Variants in RALY observed in about 807,000 individuals in gnomAD.
RALY encodes RALY heterogeneous nuclear ribonucleoprotein, also known as RNA-binding protein Raly.
In RALY, 15 loss-of-function variants were observed where a neutral mutation model predicts 30.7. The ratio of observed to expected loss-of-function variants is 0.49; its 90% CI spans 0.33 to 0.75. RALY has a LOEUF of 0.75. Ranked by LOEUF, RALY falls within the 30% of genes least tolerant of loss-of-function variation. The pLI is 0.02. For synonymous variants in RALY, 177 were observed against 170.8 expected, an observed-to-expected ratio of 1.04 and a Z score of -0.28; for missense variants, 339 against 414.3, an observed-to-expected ratio of 0.82 and a Z score of 1.58.
intron 2 of RALY, among the ~76,000 whole-genome samples, chr20:34,046,813 C>CTTTTT (rs61495395): frequency 6.9e-5 from 5 of 72,772 alleles, no homozygotes; most frequent in South Asian, 5.8e-4. Flanking sequence ...GACCTCCACT[C>CTTTTT]TTTTTTTTTT....
intron 8 of RALY, 93 bp from the exon 9 acceptor site, chr20:34,078,412 T>C (rs761057627): frequency 6.6e-6 from 8 of 1,213,882 alleles, no homozygotes; most frequent in Non-Finnish European, 9.0e-6. Context: ...AGATGCCCTC[T>C]GGACCATGAA....
chr20:34,070,320 G>A (rs759341534), intron 2 of RALY, among the ~76,000 whole-genome samples: 4 of 152,138 alleles, frequency 2.6e-5, no homozygotes, highest in Non-Finnish European at 5.9e-5. Context: ...AACTGCCAAG[G>A]CTTAACTTGA....
At chr20:34,044,039 C>G (rs1265120004) in intron 2 of RALY, among the ~76,000 whole-genome samples, 1 of 151,886 alleles carries the variant, frequency 6.6e-6, no homozygotes, top group Admixed American at 6.6e-5. Flanking sequence ...GAGACTGTAA[C>G]TTCCAAGCAG....
intron 2 of RALY, among the ~76,000 whole-genome samples, chr20:34,036,441 G>A (rs1186315285): frequency 1.3e-5 from 2 of 152,282 alleles, no homozygotes; most frequent in South Asian, 2.1e-4. Flanking sequence ...CCACATGGTT[G>A]TAGTGTATAA....
intron 1 of RALY, among the ~76,000 whole-genome samples, chr20:33,999,929 ATGATTCTAGG>A (rs1227048413): frequency 6.6e-6 from 1 of 152,062 alleles, no homozygotes; most frequent in African/African-American, 2.4e-5. Context: ...ATTACATTTT[ATGATTCTAGG>A]TGGTGGTTTA....
intron 1 of RALY, among the ~76,000 whole-genome samples, chr20:34,000,086 T>C (rs1189974173): frequency 1.3e-5 from 2 of 152,254 alleles, no homozygotes; most frequent in South Asian, 4.1e-4. Flanking sequence ...TTTGGCTTCA[T>C]GTCTATATAG....
chr20:34,014,746 C>G (rs865826430), intron 1 of RALY, among the ~76,000 whole-genome samples: 1 of 152,132 alleles, frequency 6.6e-6, no homozygotes, highest in African/African-American at 2.4e-5. Context: ...CTTAGAAATA[C>G]ATTTAGTAAT....
At chr20:34,015,395 CTT>C (rs1435774052) in intron 1 of RALY, among the ~76,000 whole-genome samples, 1 of 151,730 alleles carries the variant, frequency 6.6e-6, no homozygotes, top group Admixed American at 6.6e-5. Flanking sequence ...AAGCAAAAAA[CTT>C]TATTTACCTT....
intron 2 of RALY, among the ~76,000 whole-genome samples, chr20:34,045,709 T>C (rs553563549): frequency 6.6e-6 from 1 of 152,342 alleles, no homozygotes; most frequent in Non-Finnish European, 1.5e-5. Context: ...TGTAGCTCTC[T>C]CCCATTTCTC....
chr20:34,052,990 C>T lies in RALY; in HGVS notation c.-9-19076C>T, dbSNP rs372569194. ...GGCTTTGGCATTTAGTGGGGCTATC[C>T]TTGCATTTTACTAAGCCCTCTAGTT... On this transcript the variant is annotated intron_variant, in intron 2 of 9. Transcript: ENST00000246194. Among the ~76,000 whole-genome samples the T allele has an allele frequency of 7.9e-5, 12 of 152,228 alleles. No individual in the cohort carries two copies. In the South Asian group the frequency reaches 1.2e-3, roughly 16 times the overall value.
Position 34,013,153 on chromosome 20 carries a change from A to G in RALY, c.-92-18369A>G, listed in dbSNP as rs970705267. ...GCGCATATTCAAGGTAGGCTAAACTAAACTAGGGTGTTTGGTAAGTTAGGT... is the reference window on the plus strand; with the variant it reads ...GCGCATATTCAAGGTAGGCTAAACTGAACTAGGGTGTTTGGTAAGTTAGGT... On this transcript the variant is annotated intron_variant, in intron 1 of 9. Coordinates refer to ENST00000246194, the MANE Select transcript of RALY (RefSeq NM_016732.3). Among the ~76,000 whole-genome samples, 4 of 152,278 alleles carry G rather than the reference A, an allele frequency of 2.6e-5. No homozygotes were observed. In the East Asian group the frequency reaches 7.7e-4, roughly 29 times the overall value.
At chr20:34,054,813 C>G (rs1472092385) in intron 2 of RALY, among the ~76,000 whole-genome samples, 1 of 138,912 alleles carries the variant, frequency 7.2e-6, no homozygotes, top group African/African-American at 3.1e-5. Flanking sequence ...ATGAGACTGT[C>G]TCAAAAAAAA....
In RALY at chr20:34,080,502, C is replaced by T. The variant is rs1390145317; in HGVS notation, c.*597C>T. 1 of 152,204 alleles carries T rather than the reference C, an allele frequency of 6.6e-6. No individual in the cohort carries two copies. The highest frequency in any genetic ancestry group is 6.5e-5 in the Admixed American group (1 of 15,270). The allele number at this position is 152,204 out of a possible 1,614,324, so 9.4% of individuals were successfully genotyped here. A position where few individuals can be genotyped will look rare whatever the true frequency, so the allele number is the denominator to read the frequency against. ...GGTTTACCCCATAGTAGGTCAAGACCTTATCTCTTTCCCCAGCTTCTAAGT... is the reference window on the plus strand; with the variant it reads ...GGTTTACCCCATAGTAGGTCAAGACTTTATCTCTTTCCCCAGCTTCTAAGT... On this transcript the variant is annotated 3_prime_UTR_variant, in exon 10 of 10. Coordinates refer to ENST00000246194, the MANE Select transcript of RALY (RefSeq NM_016732.3).
At chr20:34,024,163 T>A (rs1215412531) in intron 1 of RALY, among the ~76,000 whole-genome samples, 1 of 152,118 alleles carries the variant, frequency 6.6e-6, no homozygotes, top group East Asian at 1.9e-4. Context: ...GTTGAGCCCT[T>A]CCAACTCTGG....
In RALY at chr20:34,073,797, CCT is replaced by C; in HGVS notation, c.330-18_330-17del. The C allele has an allele frequency of 6.2e-7, 1 of 1,613,670 alleles. No individual in the cohort carries two copies. Among genetic ancestry groups the C allele is most frequent in the Non-Finnish European group, 8.5e-7 (1 of 1,179,644 alleles). On this transcript the variant is annotated intron_variant, in intron 4 of 9. Coordinates refer to ENST00000246194, the MANE Select transcript of RALY (RefSeq NM_016732.3). ...TGAGTGGCCGTCCCTAAGCTCCAGC[CCT>C]CTCCCCTTTGTTTCCCCAGTGGCTA...
chr20:34,074,249 A>G (rs1440775764), intron 5 of RALY, among the ~76,000 whole-genome samples: 1 of 152,158 alleles, frequency 6.6e-6, no homozygotes, highest in Non-Finnish European at 1.5e-5. Flanking sequence ...TAGGAGCCCC[A>G]GAGCTCAGTC....
intron 2 of RALY, among the ~76,000 whole-genome samples, chr20:34,032,361 G>A (rs191480445): frequency 2.6e-4 from 40 of 152,286 alleles, no homozygotes; most frequent in African/African-American, 8.4e-4. Flanking sequence ...GCAAAATGTC[G>A]TATGAATAAT....
intron 1 of RALY, among the ~76,000 whole-genome samples, chr20:34,024,806 T>C (rs1247266575): frequency 1.3e-5 from 2 of 152,198 alleles, no homozygotes; most frequent in African/African-American, 2.4e-5. Flanking sequence ...AGTAGTTTTA[T>C]TATGCCTGGG....
chr20:34,018,496 T>C (rs2031691573), intron 1 of RALY, among the ~76,000 whole-genome samples: 1 of 152,150 alleles, frequency 6.6e-6, no homozygotes. Flanking sequence ...AAGAAATTAA[T>C]GGAATCTGTT....
Sources: gnomAD v4.1 joint callset for allele counts (sites outside exome capture counted in the v4.1 genomes callset) on GRCh38, gnomAD v4.1.1 for gene constraint, MANE v1.5 for transcripts, NCBI Gene and HGNC (gene_info 2026-07-23, HGNC 2026-07-21) for gene names.